DLG2: variants seen among roughly 807,000 people sequenced by gnomAD.
The protein encoded by DLG2 is discs large MAGUK scaffold protein 2, also known as disks large homolog 2.
In DLG2, 45 loss-of-function variants were observed where a neutral mutation model predicts 132.5. The observed-to-expected ratio is 0.34, with a 90% confidence interval of 0.27 to 0.44. The LOEUF (loss-of-function observed/expected upper bound fraction) is 0.44, where lower values mean the gene tolerates loss of function less well. DLG2 is among the 20% of genes least tolerant of loss of function. DLG2 has a pLI of 1.00. For synonymous variants in DLG2, 424 were observed against 419.6 expected, an observed-to-expected ratio of 1.01 and a Z score of -0.13; for missense variants, 1,045 against 1,196.9, an observed-to-expected ratio of 0.87 and a Z score of 1.87.
chr11:84,747,983 C>T (rs554368094), intron 6 of DLG2, among the ~76,000 whole-genome samples: 1 of 152,270 alleles, frequency 6.6e-6, no homozygotes, highest in Non-Finnish European at 1.5e-5. Context: ...GCCATATTTC[C>T]TCTGTGAGCA....
intron 14 of DLG2, among the ~76,000 whole-genome samples, chr11:83,949,308 G>GT (rs1475900066): frequency 6.6e-6 from 1 of 152,120 alleles, no homozygotes; most frequent in Non-Finnish European, 1.5e-5. Flanking sequence ...ATACCATGTT[G>GT]TATGTGATAA....
chr11:84,028,195 TAC>T (rs775468899), intron 11 of DLG2, among the ~76,000 whole-genome samples: 4 of 152,098 alleles, frequency 2.6e-5, no homozygotes, highest in Non-Finnish European at 4.4e-5. Context: ...GATAATAATG[TAC>T]AGAGTCAAAC....
intron 3 of DLG2, among the ~76,000 whole-genome samples, chr11:85,578,167 C>T (rs1455990572): frequency 6.6e-6 from 1 of 152,102 alleles, no homozygotes; most frequent in Admixed American, 6.6e-5. Flanking sequence ...ACAAACAGTG[C>T]TGTGATAACT....
chr11:83,869,203 A>T (rs1489933223), intron 16 of DLG2, among the ~76,000 whole-genome samples: 1 of 152,310 alleles, frequency 6.6e-6, no homozygotes, highest in East Asian at 1.9e-4. Flanking sequence ...ACATTCTGCC[A>T]TGATCATATA....
At chr11:83,844,149 A>G (rs556894295) in intron 16 of DLG2, among the ~76,000 whole-genome samples, 2 of 152,164 alleles carry the variant, frequency 1.3e-5, no homozygotes, top group African/African-American at 4.8e-5. Flanking sequence ...GGACCCTGTG[A>G]GGCTACACCC....
intron 3 of DLG2, among the ~76,000 whole-genome samples, chr11:85,312,363 T>C (rs1029031482): frequency 2.0e-5 from 3 of 150,724 alleles, no homozygotes; most frequent in Non-Finnish European, 4.4e-5. Context: ...TAACTTATTA[T>C]AATTTATTAT....
chr11:84,738,919 G>T (rs945522482), intron 6 of DLG2, among the ~76,000 whole-genome samples: 2 of 152,192 alleles, frequency 1.3e-5, no homozygotes, highest in Admixed American at 1.3e-4. Context: ...CAGAAGTATT[G>T]TTCCAATTGA....
At chr11:84,162,652 T>G (rs2095572930) in intron 9 of DLG2, among the ~76,000 whole-genome samples, 1 of 152,138 alleles carries the variant, frequency 6.6e-6, no homozygotes, top group South Asian at 2.1e-4. Flanking sequence ...AGGCTTTTAA[T>G]CTATGTTTCC....
At chr11:84,419,346 T>C (rs1247616660) in intron 7 of DLG2, among the ~76,000 whole-genome samples, 1 of 152,208 alleles carries the variant, frequency 6.6e-6, no homozygotes, top group African/African-American at 2.4e-5. Flanking sequence ...TCCTTATGCC[T>C]GGGAGAAATT....
At chr11:84,796,720 T>C (rs2074665965) in intron 6 of DLG2, among the ~76,000 whole-genome samples, 1 of 151,968 alleles carries the variant, frequency 6.6e-6, no homozygotes, top group South Asian at 2.1e-4. Flanking sequence ...GTCATGCCAC[T>C]CTCTCCCGGC....
At chr11:84,502,392 T>C (rs188987368) in intron 7 of DLG2, among the ~76,000 whole-genome samples, 13 of 98,014 alleles carry the variant, frequency 1.3e-4, no homozygotes, top group African/African-American at 4.3e-4. Context: ...CTTTCTTTCT[T>C]TCTTTCTTTC....
At chr11:85,314,274 A>G (rs2080501056) in intron 3 of DLG2, among the ~76,000 whole-genome samples, 1 of 151,958 alleles carries the variant, frequency 6.6e-6, no homozygotes. Context: ...GTCTAACACG[A>G]TAGAAAAATA....
At chr11:84,004,939 T>A (rs1261356241) in intron 11 of DLG2, among the ~76,000 whole-genome samples, 1 of 56,368 alleles carries the variant, frequency 1.8e-5, no homozygotes, top group East Asian at 6.5e-4. Flanking sequence ...CTAAAATTTA[T>A]ATAGAATCAA....
intron 18 of DLG2, among the ~76,000 whole-genome samples, chr11:83,675,630 C>T (rs1384729756): frequency 6.6e-6 from 1 of 152,154 alleles, no homozygotes; most frequent in Admixed American, 6.5e-5. Context: ...TGTGGTTTAG[C>T]TTATAATTCA....
At chr11:83,844,911 T>A (rs956123100) in intron 16 of DLG2, among the ~76,000 whole-genome samples, 3 of 152,182 alleles carry the variant, frequency 2.0e-5, no homozygotes, top group Non-Finnish European at 4.4e-5. Flanking sequence ...TCATTAAAAA[T>A]ATAATTTATC....
intron 7 of DLG2, among the ~76,000 whole-genome samples, chr11:84,286,299 C>T (rs2097909416): frequency 6.6e-6 from 1 of 152,106 alleles, no homozygotes; most frequent in African/African-American, 2.4e-5. Context: ...AAACTCACAG[C>T]ATATTAAATA....
At chr11:83,850,161 T>TGTGTGTGTG (rs58290466) in intron 16 of DLG2, among the ~76,000 whole-genome samples, 4,512 of 126,630 alleles carry the variant, frequency 0.036, 105 homozygotes, top group African/African-American at 0.047. Context: ...TGTGTGTGTG[T>TGTGTGTGTG]TTTTTTACTT....
intron 3 of DLG2, among the ~76,000 whole-genome samples, chr11:85,459,137 C>G (rs1182537870): frequency 6.6e-6 from 1 of 152,170 alleles, no homozygotes; most frequent in African/African-American, 2.4e-5. Context: ...GTGGTTAAAG[C>G]ACTCAGGGTC....
intron 6 of DLG2, among the ~76,000 whole-genome samples, chr11:84,690,480 T>C (rs951216090): frequency 2.0e-5 from 3 of 151,720 alleles, no homozygotes; most frequent in African/African-American, 7.3e-5. Context: ...GAAAAGTCAC[T>C]ATGGCCATCC....
Sources: gnomAD v4.1 joint callset for allele counts (sites outside exome capture counted in the v4.1 genomes callset) on GRCh38, gnomAD v4.1.1 for gene constraint, MANE v1.5 for transcripts, NCBI Gene and HGNC (gene_info 2026-07-23, HGNC 2026-07-21) for gene names.